Variants in CEP164 observed in about 807,000 individuals in gnomAD.
CEP164 encodes the protein centrosomal protein of 164 kDa.
CEP164 carries 162 observed loss-of-function variants against 182.7 expected under a neutral mutation model. That is an observed-to-expected ratio of 0.89 (90% CI 0.78 to 1.01). The LOEUF (loss-of-function observed/expected upper bound fraction) is 1.01. Ranked by LOEUF, CEP164 falls within the 50% of genes least tolerant of loss-of-function variation. The probability of loss-of-function intolerance (pLI) is 0.00; values close to 1 mark genes in which losing one functional copy is unlikely to be tolerated. For synonymous variants in CEP164, 661 were observed against 690.0 expected, an observed-to-expected ratio of 0.96 and a Z score of 0.66; for missense variants, 1,735 against 1,790.4, an observed-to-expected ratio of 0.97 and a Z score of 0.56.
intron 7 of CEP164, among the ~76,000 whole-genome samples, chr11:117,362,984 A>C (rs1046079929): frequency 2.6e-5 from 4 of 152,226 alleles, no homozygotes; most frequent in Non-Finnish European, 4.4e-5. Context: ...TGTAGCATGT[A>C]TTAGAACTTT....
intron 9 of CEP164, among the ~76,000 whole-genome samples, chr11:117,372,084 G>A (rs374569442): frequency 2.1e-5 from 3 of 143,458 alleles, no homozygotes; most frequent in East Asian, 2.1e-4. Flanking sequence ...CAAGTGATCT[G>A]CCCACCTCAT....
At chr11:117,355,781 G>C in intron 5 of CEP164, 1 of 1,112,212 alleles carries the variant, frequency 9.0e-7, no homozygotes, top group Non-Finnish European at 1.1e-6. Context: ...CAAGGAAACA[G>C]AGCCCAGTGA....
chr11:117,407,908 T>C lies in CEP164; in HGVS notation c.3502-17T>C. 6.4e-7 allele frequency: 1 copy of C among 1,565,802 alleles called. No individual in the cohort carries two copies. Among genetic ancestry groups the C allele is most frequent in the Non-Finnish European group, 8.7e-7 (1 of 1,153,284 alleles). Reference sequence around the variant, plus strand: ...GTGTGGGTAGTCATTTCTCCTCTGTTTTCTCCTTGGCTGCAGGAGACCAGG... The same window carrying C: ...GTGTGGGTAGTCATTTCTCCTCTGTCTTCTCCTTGGCTGCAGGAGACCAGG... On this transcript the variant is annotated splice_polypyrimidine_tract_variant and intron_variant, in intron 27 of 32. Transcript: ENST00000278935.
chr11:117,410,903 C>T lies in CEP164; in HGVS notation c.4163+9C>T. ...GGTTACATGTCTGCCAGGTGAGCCTCCCTGGGGGCTGGTTGGGGTGGAACG... is the reference window on the plus strand; with the variant it reads ...GGTTACATGTCTGCCAGGTGAGCCTTCCTGGGGGCTGGTTGGGGTGGAACG... On this transcript the variant is annotated intron_variant, in intron 31 of 32. Transcript: ENST00000278935. The T allele has an allele frequency of 6.2e-7, 1 of 1,611,750 alleles. No homozygotes were observed. Among genetic ancestry groups the T allele is most frequent in the South Asian group, 1.1e-5 (1 of 90,456 alleles).
chr11:117,385,876 T>C (rs1430882648), intron 14 of CEP164: 2 of 152,230 alleles, frequency 1.3e-5, no homozygotes, highest in African/African-American at 2.4e-5. Flanking sequence ...GAAAGGTCTT[T>C]ATGGTAATTC....
rs1163183423 is a variant in CEP164 at position 117,413,158 on chromosome 11, C to G, written c.*990C>G. ...GCCGTTGTGGCAGAGCGTCCTGCAG[C>G]CCCGCTTCCATCAGCAGGCTCTGGG... On this transcript the variant is annotated 3_prime_UTR_variant, in exon 33 of 33. Transcript: ENST00000278935. The G allele has an allele frequency of 6.6e-6, 1 of 152,272 alleles. No individual in the cohort carries two copies. Among genetic ancestry groups the G allele is most frequent in the South Asian group, 2.1e-4 (1 of 4,836 alleles). 9.4% of individuals were successfully genotyped at this position (152,272 alleles called of 1,614,324 possible).
At chr11:117,330,615 C>T (rs1285890134) in intron 1 of CEP164, among the ~76,000 whole-genome samples, 2 of 152,072 alleles carry the variant, frequency 1.3e-5, no homozygotes, top group South Asian at 2.1e-4. Context: ...TGCCATTGCA[C>T]CCCAGCCTGG....
chr11:117,365,382 T>G (rs2041512835), intron 8 of CEP164, among the ~76,000 whole-genome samples: 1 of 152,186 alleles, frequency 6.6e-6, no homozygotes, highest in South Asian at 2.1e-4. Context: ...GTGTCATATT[T>G]TTTTCTTCAC....
Position 117,394,320 on chromosome 11 carries a change from T to C in CEP164, c.2617-30T>C, listed in dbSNP as rs897793074. 6.4e-7 allele frequency: 1 copy of C among 1,570,704 alleles called. No homozygotes were observed. On this transcript the variant is annotated intron_variant, in intron 20 of 32. Coordinates refer to ENST00000278935, the MANE Select transcript of CEP164 (RefSeq NM_014956.5). The surrounding 1 kb of genome is among the most constrained non-coding windows in gnomAD (Gnocchi z 4.0). The stretch of plus-strand genomic sequence containing the variant: ...TTGTGGTAGAAGGGGCTGCCGCAGC[T>C]TCCCACCGGTGGGCCCACCCTCCTT...
intron 2 of CEP164, chr11:117,336,364 G>C: frequency 7.0e-7 from 1 of 1,427,914 alleles, no homozygotes; most frequent in Non-Finnish European, 9.9e-7. Flanking sequence ...GAGATTCACA[G>C]GAGGGATTCC....
At position 117,338,646 on chromosome 11, in the gene CEP164, G is replaced by T; in HGVS notation, c.60G>T (p.Glu20Asp). The change falls in exon 3 of 33, where the codon GAG (glutamate) becomes GAT (aspartate). Residue 20 changes from glutamate to aspartate, a missense_variant. Transcript: ENST00000278935. Reference protein sequence around the residue: ...DQLVLEEDYDETYIPSEQEIL... With the variant: ...DQLVLEEDYDDTYIPSEQEIL... ...TGGTTCTGGAAGAAGATTATGATGAGACCTACATTCCTAGTGAGCAAGGTA... is the reference window on the plus strand; with the variant it reads ...TGGTTCTGGAAGAAGATTATGATGATACCTACATTCCTAGTGAGCAAGGTA... The T allele has an allele frequency of 6.2e-7, 1 of 1,613,930 alleles. No homozygotes were observed. The highest frequency in any genetic ancestry group is 8.5e-7 in the Non-Finnish European group (1 of 1,179,814).
At position 117,351,970 on chromosome 11, in the gene CEP164, C is replaced by A. The variant is rs1216042393; in HGVS notation, c.375C>A (p.Asp125Glu). 6.3e-7 allele frequency: 1 copy of A among 1,588,386 alleles called. No homozygotes were observed. The highest frequency in any genetic ancestry group is 1.8e-5 in the Admixed American group (1 of 54,866). Residue 125 changes from aspartate to glutamate, a missense_variant, in exon 5 of 33, where the codon GAC becomes GAA. By Grantham distance (45) the Asp-to-Glu change is conservative. Transcript: ENST00000278935. Reference sequence around the variant, plus strand: ...AAAAGAAAGACAAGAAGGACAGAGACCCCCCCAAAAGTTCGCTGGTGAGTC... The same window carrying A: ...AAAAGAAAGACAAGAAGGACAGAGAACCCCCCAAAAGTTCGCTGGTGAGTC... ...KKEKKDKKDR[D>E]PPKSSLALGS...
At chr11:117,324,436 C>T (rs1219475796), upstream of CEP164, among the ~76,000 whole-genome samples, 1 of 147,146 alleles carries the variant, frequency 6.8e-6, no homozygotes, top group Non-Finnish European at 1.5e-5. Context: ...AACAAACTCC[C>T]TCTCAAAAAA....
chr11:117,407,233 G>T (rs1246658540), intron 27 of CEP164, among the ~76,000 whole-genome samples: 3 of 152,114 alleles, frequency 2.0e-5, no homozygotes, highest in South Asian at 2.1e-4. Flanking sequence ...GCTTCCCAGG[G>T]TTATATACAT....
intron 4 of CEP164, among the ~76,000 whole-genome samples, chr11:117,346,599 C>T (rs1468569971): frequency 6.7e-6 from 1 of 149,932 alleles, no homozygotes; most frequent in Non-Finnish European, 1.5e-5. Context: ...CATGGTGGCT[C>T]ACACCTGTAA....
intron 14 of CEP164, among the ~76,000 whole-genome samples, chr11:117,383,442 G>C (rs1173479586): frequency 6.6e-6 from 1 of 152,156 alleles, no homozygotes; most frequent in Non-Finnish European, 1.5e-5. Flanking sequence ...GATCTTCACT[G>C]TTCTGGCCTG....
chr11:117,336,679 G>A (rs150351661), intron 2 of CEP164: 14 of 845,304 alleles, frequency 1.7e-5, no homozygotes, highest in South Asian at 4.1e-5. Flanking sequence ...GGCTTGATGC[G>A]TTCTACCAGA....
At chr11:117,373,282 G>A (rs1166268267) in intron 9 of CEP164, among the ~76,000 whole-genome samples, 1 of 151,982 alleles carries the variant, frequency 6.6e-6, no homozygotes, top group African/African-American at 2.4e-5. Flanking sequence ...CAGGAGAATT[G>A]CTGGGACCCG....
chr11:117,411,047 G>C lies in CEP164; in HGVS notation c.4163+153G>C. On this transcript the variant is annotated intron_variant, in intron 31 of 32. Coordinates refer to ENST00000278935, the MANE Select transcript of CEP164 (RefSeq NM_014956.5). The surrounding 1 kb of genome is among the most constrained non-coding windows in gnomAD (Gnocchi z 4.4). The stretch of plus-strand genomic sequence containing the variant: ...CTAGTCCACAGAGCTGTCCCCGCTT[G>C]CCTGGGTCTGAGGCGCCCCTCCATG... The C allele has an allele frequency of 1.5e-6, 1 of 676,002 alleles. No homozygotes were observed. The highest frequency in any genetic ancestry group is 2.6e-6 in the Non-Finnish European group (1 of 391,970). The allele number at this position is 676,002 out of a possible 1,614,324, so 41.9% of individuals were successfully genotyped here. A position where few individuals can be genotyped will look rare whatever the true frequency, so the allele number is the denominator to read the frequency against.
Sources: gnomAD v4.1 joint callset for allele counts (sites outside exome capture counted in the v4.1 genomes callset) on GRCh38, gnomAD v4.1.1 for gene constraint, Gnocchi (gnomAD v3.1) non-coding constraint, MANE v1.5 for transcripts, NCBI Gene and HGNC (gene_info 2026-07-23, HGNC 2026-07-21) for gene names.